PLD3: variants seen among roughly 807,000 people sequenced by gnomAD.
PLD3 encodes phospholipase D family member 3, also known as 5'-3' exonuclease PLD3.
Under a neutral mutation model 58.4 loss-of-function variants are expected in PLD3, and 31 were observed. The observed-to-expected ratio is 0.53, with a 90% CI of 0.40 to 0.72. PLD3 has a LOEUF of 0.72. PLD3 is among the 30% of genes least tolerant of loss of function. The pLI is 0.00. For synonymous variants in PLD3, 264 were observed against 273.4 expected (o/e 0.97, Z 0.34); for missense variants, 595 against 659.8 (o/e 0.90, Z 1.08).
intron 1 of PLD3, among the ~76,000 whole-genome samples, chr19:40,361,726 C>T (rs1431928614): frequency 2.0e-5 from 3 of 152,146 alleles, no homozygotes; most frequent in Non-Finnish European, 2.9e-5. Context: ...GAGGCCTTTT[C>T]TGACCTCCTT....
chr19:40,357,360 G>A (rs1423010754), intron 1 of PLD3: 1 of 152,302 alleles, frequency 6.6e-6, no homozygotes, highest in African/African-American at 2.4e-5. Flanking sequence ...CAAAGTGCTG[G>A]AATTACAGAT....
In PLD3 at chr19:40,362,239, G is replaced by A. The variant is rs115954163; in HGVS notation, c.-278-3479G>A. On this transcript the variant is annotated intron_variant, in intron 1 of 12. Transcript: ENST00000409735. ...ACCAGTAAATGTGTGTAAAATTAAC[G>A]AACAGCAAATGCTATTGTTACCATG... is the stretch of plus-strand genomic sequence containing the variant. Among the ~76,000 whole-genome samples the A allele has an allele frequency of 3.5e-3, 538 of 152,248 alleles. 2 individuals are homozygous for A. The highest frequency in any genetic ancestry group is 0.012 in the African/African-American group (496 of 41,536).
At chr19:40,354,726 A>C (rs567112274) in intron 1 of PLD3, among the ~76,000 whole-genome samples, 2 of 151,458 alleles carry the variant, frequency 1.3e-5, no homozygotes, top group South Asian at 4.2e-4. Flanking sequence ...GGGTTTCGCC[A>C]TGTAGGCCAG....
chr19:40,376,828 C>T (rs1345078672), intron 11 of PLD3, 54 bp downstream of exon 11: 3 of 1,507,790 alleles, frequency 2.0e-6, no homozygotes, highest in Non-Finnish European at 2.7e-6. Flanking sequence ...GTCCTAGGGA[C>T]ACAGCCCTCA....
intron 9 of PLD3, 26 bp from the exon 10 acceptor site, chr19:40,374,453 CAT>C (rs1491235730): frequency 1.0e-4 from 168 of 1,612,524 alleles, no homozygotes; most frequent in Non-Finnish European, 1.3e-4. Flanking sequence ...TGGCAGGGCA[CAT>C]GTCTTAACTG....
rs145892029 is a variant in PLD3, at chr19:40,376,743, G to C, written c.1154G>C (p.Arg385Pro). 4 of 1,600,830 alleles carry C rather than the reference G, an allele frequency of 2.5e-6. No individual in the cohort carries two copies. In the South Asian group the frequency reaches 4.4e-5, roughly 18 times the overall value. ...TTCCTGCTCTCTCTGGCTGCCCTGC[G>C]TGACAACCATACCCACTCTGACATC... ...RAFLLSLAAL[R>P]DNHTHSDIQV... The change falls in exon 11 of 13, where the codon CGT becomes CCT. Residue 385 changes from arginine to proline, a missense_variant. Physicochemically the swap from Arg to Pro is moderately radical, Grantham distance 103. Coordinates refer to ENST00000409735, the MANE Select transcript of PLD3 (RefSeq NM_012268.4).
In PLD3 at chr19:40,369,988, G is replaced by T. The variant is rs746220124; in HGVS notation, c.510G>T (p.Gly170=). The change falls in exon 7 of 13, where the codon GGG becomes GGT. Residue 170 remains glycine (G), a synonymous_variant. Transcript: ENST00000409735. ...NVRIAVSKPS[G]PQPQADLQAL... is the part of the protein sequence containing the mutation. ...GCATCGCTGTGAGCAAGCCCAGCGG[G>T]CCCCAGCCACAGGCGGACCTGCAGG... The T allele has an allele frequency of 2.6e-6, 4 of 1,559,974 alleles. No individual in the cohort carries two copies. The African/African-American group carries it at 4.1e-5, about 16-fold the overall frequency.
At chr19:40,366,360 G>A (rs1187762824) in intron 2 of PLD3, 59 bp from the exon 3 acceptor site, 2 of 837,034 alleles carry the variant, frequency 2.4e-6, no homozygotes, top group Non-Finnish European at 4.2e-6. Flanking sequence ...ACTCTTCTGT[G>A]ATGTCTGTCC....
intron 10 of PLD3, 114 bp from the exon 11 acceptor site, chr19:40,376,495 G>T: frequency 1.0e-6 from 1 of 970,104 alleles, no homozygotes; most frequent in Non-Finnish European, 1.5e-6. Context: ...CGATGAGGAA[G>T]TCCTCTCAAT....
chr19:40,376,524 G>A, intron 10 of PLD3, 85 bp from the exon 11 acceptor site: 2 of 1,373,012 alleles, frequency 1.5e-6, no homozygotes, highest in Non-Finnish European at 2.0e-6. Context: ...CAGGGCCCAG[G>A]CTTGGTTCCC....
chr19:40,368,983 G>A (rs1431742237), intron 6 of PLD3, among the ~76,000 whole-genome samples: 1 of 152,008 alleles, frequency 6.6e-6, no homozygotes, highest in Non-Finnish European at 1.5e-5. Flanking sequence ...ACCAAAGCCA[G>A]GCATAGTGGT....
rs1330367572 is a variant in PLD3 at position 40,378,217 on chromosome 19, G to A, written c.*44G>A. Reference sequence around the variant, plus strand: ...GGCCAAGGCCTGCTGGGCCCCCGCGGACCCAGGTGCTCTGGGTCACGGTCC... The same window carrying A: ...GGCCAAGGCCTGCTGGGCCCCCGCGAACCCAGGTGCTCTGGGTCACGGTCC... On this transcript the variant is annotated 3_prime_UTR_variant, in exon 13 of 13. Coordinates refer to ENST00000409735, the MANE Select transcript of PLD3 (RefSeq NM_012268.4). 21 of 1,570,302 alleles carry A rather than the reference G, an allele frequency of 1.3e-5. No individual in the cohort carries two copies. The South Asian group carries it at 2.2e-4, about 17-fold the overall frequency.
At position 40,374,571 on chromosome 19, in the gene PLD3, G is replaced by T; in HGVS notation, c.970G>T (p.Val324Phe). ...GGACAATGCCCGGAGTTTCATCTAC[G>T]TCGCTGTCATGAACTACCTGCCCAC... ...VVDNARSFIY[V>F]AVMNYLPTLE... Residue 324 changes from valine (V) to phenylalanine (F), a missense_variant, in exon 10 of 13, where the codon GTC becomes TTC. Coordinates refer to ENST00000409735, the MANE Select transcript of PLD3 (RefSeq NM_012268.4). 6.2e-7 allele frequency: 1 copy of T among 1,614,164 alleles called. No homozygotes were observed. Among genetic ancestry groups the T allele is most frequent in the Non-Finnish European group, 8.5e-7 (1 of 1,180,030 alleles).
At chr19:40,367,317 A>T in intron 5 of PLD3, 1 of 257,760 alleles carries the variant, frequency 3.9e-6, no homozygotes, top group Non-Finnish European at 7.4e-6. Context: ...TTGGTGGCTC[A>T]CGCCTGTAAT....
At chr19:40,368,671 G>A (rs1305702198) in intron 6 of PLD3, among the ~76,000 whole-genome samples, 1 of 152,118 alleles carries the variant, frequency 6.6e-6, no homozygotes, top group Non-Finnish European at 1.5e-5. Context: ...GGGAGGCCTA[G>A]ACAGGAGGAT....
rs564586989 is a variant in PLD3, at chr19:40,374,508, G to T, written c.907G>T (p.Gly303Cys). Residue 303 changes from glycine to cysteine, a missense_variant, in exon 10 of 13, where the codon GGC becomes TGC. Physicochemically the swap from Gly to Cys is radical, Grantham distance 159 (BLOSUM62 -3). Coordinates refer to ENST00000409735, the MANE Select transcript of PLD3 (RefSeq NM_012268.4). ...ASAPPPLCPS[G>C]RTPDLKALLN... ...TGCGCCCCCACCCCTGTGTCCAAGT[G>T]GCCGCACTCCAGACCTGAAGGCTCT... 1 of 1,614,116 alleles carries T rather than the reference G, an allele frequency of 6.2e-7. No individual in the cohort carries two copies. Among genetic ancestry groups the T allele is most frequent in the East Asian group, 2.2e-5 (1 of 44,882 alleles).
At position 40,365,773 on chromosome 19, in the gene PLD3, G is replaced by C. The variant is rs939376540; in HGVS notation, c.-223G>C. The C allele has an allele frequency of 6.5e-6, 1 of 152,816 alleles. No individual in the cohort carries two copies. Among genetic ancestry groups the C allele is most frequent in the African/African-American group, 2.4e-5 (1 of 41,466 alleles). The allele number at this position is 152,816 out of a possible 1,614,324, so 9.5% of individuals were successfully genotyped here. A position where few individuals can be genotyped will look rare whatever the true frequency, so the allele number is the denominator to read the frequency against. The stretch of plus-strand genomic sequence containing the variant: ...CCCGCTTCTCGCTGCGGTGAGCCCG[G>C]ACTGGGGCACGCACTGCGCAGACTC... On this transcript the variant is annotated 5_prime_UTR_variant, in exon 2 of 13. Transcript: ENST00000409735.
intron 9 of PLD3, among the ~76,000 whole-genome samples, chr19:40,373,583 A>C (rs529187214): frequency 7.6e-4 from 114 of 150,696 alleles, no homozygotes; most frequent in Middle Eastern, 6.8e-3. Flanking sequence ...CTTCAAAAAA[A>C]AAAAAAGGGG....
intron 1 of PLD3, chr19:40,356,192 A>T (rs1398257004): frequency 2.6e-5 from 4 of 152,402 alleles, no homozygotes; most frequent in African/African-American, 2.4e-5. Flanking sequence ...GAACTGAAAG[A>T]TCATAAATAT....
Sources: gnomAD v4.1 joint callset for allele counts (sites outside exome capture counted in the v4.1 genomes callset) on GRCh38, gnomAD v4.1.1 for gene constraint, MANE v1.5 for transcripts, NCBI Gene and HGNC (gene_info 2026-07-23, HGNC 2026-07-21) for gene names.